Variants in TBRG4 observed in about 807,000 individuals in gnomAD.
The protein encoded by TBRG4 is FAST kinase domain-containing protein 4.
A neutral mutation model predicts 65.6 loss-of-function variants in TBRG4; 43 were observed. That is an observed-to-expected ratio of 0.66 (90% CI 0.51 to 0.85). TBRG4 has a LOEUF of 0.85. Ranked by LOEUF, TBRG4 falls within the 40% of genes least tolerant of loss-of-function variation. TBRG4 has a pLI of 0.00. For synonymous variants in TBRG4, 366 were observed against 341.4 expected (o/e 1.07, Z -0.79); for missense variants, 709 against 787.9 (o/e 0.90, Z 1.20).
intron 10 of TBRG4, 64 bp downstream of exon 10, chr7:45,101,193 TC>T: frequency 6.6e-7 from 1 of 1,507,150 alleles, no homozygotes; most frequent in Non-Finnish European, 9.1e-7. Context: ...TTCCACCTGA[TC>T]CCCTCTCTAG....
rs890747290 is a variant in TBRG4, at chr7:45,101,838, A to G, written c.1554T>C (p.Tyr518=). 1.9e-6 allele frequency: 3 copies of G among 1,606,612 alleles called. No homozygotes were observed. The highest frequency in any genetic ancestry group is 2.5e-6 in the Non-Finnish European group (3 of 1,179,662). ...DKGSLEVATQ[Y]GWVLDAEVLL... Reference sequence around the variant, plus strand: ...GGGAGCCCTCACCCAGCACCCAGCCATACTGCGTGGCCACCTCGAGGCTGC... The same window carrying G: ...GGGAGCCCTCACCCAGCACCCAGCCGTACTGCGTGGCCACCTCGAGGCTGC... The change falls in exon 8 of 11, where the codon TAT becomes TAC. Residue 518 remains tyrosine, a synonymous_variant. Coordinates refer to ENST00000258770, the MANE Select transcript of TBRG4 (RefSeq NM_004749.4).
intron 1 of TBRG4, chr7:45,110,986 ATT>A (rs1785109750): frequency 6.6e-6 from 1 of 151,972 alleles, no homozygotes; most frequent in Non-Finnish European, 1.5e-5. Flanking sequence ...TTTCCGACTT[ATT>A]TTTTTGAGAC....
chr7:45,101,783 C>T (rs1419863664), intron 8 of TBRG4, 42 bp downstream of exon 8: 1 of 1,600,114 alleles, frequency 6.2e-7, no homozygotes, highest in Non-Finnish European at 8.5e-7. Flanking sequence ...CCGTTAGACT[C>T]AGGCAATGCC....
intron 8 of TBRG4, 60 bp downstream of exon 8, chr7:45,101,765 G>T: frequency 1.3e-6 from 2 of 1,598,754 alleles, no homozygotes; most frequent in Non-Finnish European, 8.5e-7. Context: ...GGGTGGGTTA[G>T]AAGAGTCCCG....
intron 4 of TBRG4, 38 bp downstream of exon 4, chr7:45,104,500 C>A: frequency 6.2e-7 from 1 of 1,613,482 alleles, no homozygotes; most frequent in Non-Finnish European, 8.5e-7. Flanking sequence ...GCAGGGCCAG[C>A]GCTCCCCTCT....
chr7:45,102,082 GGAGA>G lies in TBRG4; in HGVS notation c.1322-16_1322-13del. 6.4e-7 allele frequency: 1 copy of G among 1,567,170 alleles called. No homozygotes were observed. The highest frequency in any genetic ancestry group is 2.2e-5 in the East Asian group (1 of 44,644). ...CTGAGACTTGCCCCCTAGGAGACAA[GGAGA>G]AAGAAGAGGGAGGTGGGCCTACGGC... On this transcript the variant is annotated splice_polypyrimidine_tract_variant and intron_variant, in intron 7 of 10. Coordinates refer to ENST00000258770, the MANE Select transcript of TBRG4 (RefSeq NM_004749.4).
rs1584035588 is a variant in TBRG4 at position 45,109,228 on chromosome 7, G to A, written c.10C>T (p.His4Tyr). The A allele has an allele frequency of 1.9e-6, 3 of 1,593,678 alleles. No individual in the cohort carries two copies. The highest frequency in any genetic ancestry group is 2.6e-6 in the Non-Finnish European group (3 of 1,170,030). ...AGGCACGTGCATCGCTTTACCAGGT[G>A]AGCTGCCATGATGTCCTGGGTGGCA... is the stretch of plus-strand genomic sequence containing the variant. Reference protein sequence around the residue: MAAHLVKRCTCLLR... With the variant: MAAYLVKRCTCLLR... Residue 4 changes from histidine (H) to tyrosine (Y), a missense_variant, in exon 2 of 11, where the codon CAC becomes TAC. Transcript: ENST00000258770.
At chr7:45,101,744 T>C (rs1784771337) in intron 8 of TBRG4, 81 bp downstream of exon 8, 1 of 1,597,750 alleles carries the variant, frequency 6.3e-7, no homozygotes. Context: ...GGTCAGTACT[T>C]GCTGCAGACG....
chr7:45,105,925 G>A (rs937448677), intron 2 of TBRG4, 161 bp from the exon 3 acceptor site: 3 of 960,590 alleles, frequency 3.1e-6, no homozygotes, highest in East Asian at 2.4e-5. Context: ...CCCAGTGCCT[G>A]GCTGCTCCTC....
Position 45,104,606 on chromosome 7 carries a change from G to C in TBRG4, c.839C>G (p.Ser280Cys). The C allele has an allele frequency of 6.2e-7, 1 of 1,613,956 alleles. No homozygotes were observed. The highest frequency in any genetic ancestry group is 8.5e-7 in the Non-Finnish European group (1 of 1,180,040). The change falls in exon 4 of 11, where the codon TCC becomes TGC. Residue 280 changes from serine to cysteine, a missense_variant. Coordinates refer to ENST00000258770, the MANE Select transcript of TBRG4 (RefSeq NM_004749.4). ...GAAGGGCTTCTGCACCAGGTGGTAG[G>C]AGATGGCCCGCAGCAAGGGCACGGA... ...RRSVPLLRAI[S>C]YHLVQKPFSL...
At chr7:45,103,969 G>C (rs1369945387) in intron 5 of TBRG4, 130 bp downstream of exon 5, 1 of 1,283,642 alleles carries the variant, frequency 7.8e-7, no homozygotes, top group African/African-American at 1.5e-5. Context: ...AAGCCAAAAT[G>C]CAAGAAATAT....
chr7:45,103,886 A>G, intron 5 of TBRG4: 1 of 670,896 alleles, frequency 1.5e-6, no homozygotes, highest in Non-Finnish European at 2.4e-6. Flanking sequence ...AGCACTTATA[A>G]TGGTCAGTGA....
intron 2 of TBRG4, chr7:45,106,292 C>T (rs1784952164): frequency 3.2e-6 from 1 of 315,004 alleles, no homozygotes; most frequent in South Asian, 2.7e-5. Context: ...AAGTTTTGAC[C>T]TAATGTAGTT....
intron 10 of TBRG4, 53 bp downstream of exon 10, chr7:45,101,205 C>T (rs963699813): frequency 1.3e-5 from 20 of 1,553,628 alleles, no homozygotes; most frequent in Admixed American, 3.4e-5. Context: ...CCCTCTCTAG[C>T]GTGGGTTGGG....
intron 2 of TBRG4, chr7:45,106,274 C>T (rs1369781407): frequency 2.8e-5 from 9 of 320,852 alleles, no homozygotes; most frequent in Non-Finnish European, 5.0e-5. Flanking sequence ...CTCCAAGTTT[C>T]CCCAATGAAG....
In TBRG4 at chr7:45,109,216, G is replaced by A. The variant is rs759403245; in HGVS notation, c.22C>T (p.Arg8Ter). Residue 8 changes from arginine (R) to a stop codon, truncating the protein, a stop_gained, in exon 2 of 11, where the codon CGA becomes TGA. Coordinates refer to ENST00000258770, the MANE Select transcript of TBRG4 (RefSeq NM_004749.4). LOFTEE classifies it high-confidence loss of function. MAAHLVKRCTCLLREAAR... is the reference protein window; with the variant it reads MAAHLVK ...GCTTCTCTCAGGAGGCACGTGCATC[G>A]CTTTACCAGGTGAGCTGCCATGATG... The A allele has an allele frequency of 6.2e-7, 1 of 1,601,592 alleles. No individual in the cohort carries two copies. The highest frequency in any genetic ancestry group is 1.7e-5 in the Admixed American group (1 of 58,090).
At chr7:45,104,414 T>C (rs1562935613) in intron 4 of TBRG4, 124 bp downstream of exon 4, 1 of 1,571,180 alleles carries the variant, frequency 6.4e-7, no homozygotes, top group Non-Finnish European at 8.7e-7. Context: ...AGTCACAGTG[T>C]TTCTGTGGCA....
rs74490036 is a variant in TBRG4 at position 45,103,396 on chromosome 7, G to A, written c.1113C>T (p.Ser371=). The change falls in exon 6 of 11, where the codon AGC becomes AGT. Residue 371 remains serine (S), a synonymous_variant. Coordinates refer to ENST00000258770, the MANE Select transcript of TBRG4 (RefSeq NM_004749.4). ...TCAGACGCGCAAAAGCCAGAAGTAC[G>A]CTGCACAGGTGGGGCAGGGTGATGT... is the stretch of plus-strand genomic sequence containing the variant. The part of the protein sequence containing the change: ...AQDITLPHLC[S]VLLAFARLNF... 354 of 1,614,082 alleles carry A rather than the reference G, an allele frequency of 2.2e-4. 1 individual carries two copies. In the African/African-American group the frequency reaches 3.9e-3, roughly 18 times the overall value.
intron 6 of TBRG4, 51 bp downstream of exon 6, chr7:45,103,282 T>G: frequency 6.9e-7 from 1 of 1,450,822 alleles, no homozygotes; most frequent in East Asian, 2.4e-5. Context: ...TCATGAGCCA[T>G]TAGCTGAAGG....
Sources: allele counts gnomAD v4.1 joint callset, GRCh38; gene constraint gnomAD v4.1.1; transcripts MANE v1.5; gene names NCBI Gene and HGNC (gene_info 2026-07-23, HGNC 2026-07-21).